The following CNOT4 variants were observed in gnomAD, a reference collection of about 807,000 sequenced individuals.
CNOT4 encodes CCR4-associated factor 4.
A neutral mutation model predicts 73.8 loss-of-function variants in CNOT4; 8 were observed. That is an observed-to-expected ratio of 0.11 (90% CI 0.06 to 0.20). CNOT4 has a LOEUF of 0.20. Among genes scored for constraint, CNOT4 ranks in the 10% least tolerant of loss-of-function variants. CNOT4 has a pLI of 1.00. For synonymous variants in CNOT4, 293 were observed against 321.1 expected, an observed-to-expected ratio of 0.91 and a Z score of 0.94; for missense variants, 564 against 883.4, an observed-to-expected ratio of 0.64 and a Z score of 4.58.
intron 2 of CNOT4, among the ~76,000 whole-genome samples, chr7:135,423,792 T>C (rs1016244344): frequency 1.3e-5 from 2 of 152,136 alleles, no homozygotes; most frequent in Non-Finnish European, 2.9e-5. Context: ...AATCTGGATC[T>C]TTGAGTTAGT....
chr7:135,493,574 G>GA (rs1316604618), intron 1 of CNOT4, among the ~76,000 whole-genome samples: 1 of 151,848 alleles, frequency 6.6e-6, no homozygotes, highest in African/African-American at 2.4e-5. Flanking sequence ...GAAGAGGATT[G>GA]AAAAAAATAG....
In CNOT4 at chr7:135,398,235, A is replaced by C; in HGVS notation, c.822-9T>G. 1.4e-6 allele frequency: 2 copies of C among 1,442,188 alleles called. No individual in the cohort carries two copies. Among genetic ancestry groups the C allele is most frequent in the Non-Finnish European group, 9.7e-7 (1 of 1,026,290 alleles). The allele number at this position is 1,442,188 out of a possible 1,614,324, so 89.3% of individuals were successfully genotyped here. ...AAGGTTTGTCAATGGGGCTATAAAA[A>C]GAAAACAAATTGAATAAAATCAGAA... On this transcript the variant is annotated splice_polypyrimidine_tract_variant and intron_variant, in intron 7 of 11. Transcript: ENST00000541284.
intron 1 of CNOT4, among the ~76,000 whole-genome samples, chr7:135,495,679 AAAAAAAAAAAAAAAG>A (rs1563083348): frequency 3.8e-4 from 36 of 94,632 alleles, no homozygotes; most frequent in African/African-American, 1.4e-3. Context: ...CAAAAAAAAA[AAAAAAAAAAAAAAAG>A]AAAGAAAGAA....
At chr7:135,424,379 A>C (rs1025832672) in intron 2 of CNOT4, among the ~76,000 whole-genome samples, 2 of 152,182 alleles carry the variant, frequency 1.3e-5, no homozygotes, top group African/African-American at 4.8e-5. Flanking sequence ...ACTATATATT[A>C]ACTAATTAAA....
intron 3 of CNOT4, among the ~76,000 whole-genome samples, chr7:135,418,853 T>G (rs1167459115): frequency 6.6e-6 from 1 of 152,162 alleles, no homozygotes; most frequent in African/African-American, 2.4e-5. Flanking sequence ...AGCTAAGTGT[T>G]CTAATATATG....
At chr7:135,411,071 C>A (rs1797565122) in intron 6 of CNOT4, among the ~76,000 whole-genome samples, 1 of 151,958 alleles carries the variant, frequency 6.6e-6, no homozygotes, top group Non-Finnish European at 1.5e-5. Context: ...ATTCATCAGT[C>A]TCCTTTTTAA....
chr7:135,478,770 C>A (rs1802161653), intron 1 of CNOT4, among the ~76,000 whole-genome samples: 1 of 152,094 alleles, frequency 6.6e-6, no homozygotes, highest in African/African-American at 2.4e-5. Context: ...TTATGATCAT[C>A]CCATCCAATA....
chr7:135,447,303 T>C (rs1298740370), intron 1 of CNOT4, among the ~76,000 whole-genome samples: 2 of 152,218 alleles, frequency 1.3e-5, no homozygotes, highest in East Asian at 1.9e-4. Flanking sequence ...TCAGCACTAA[T>C]ACTTAATTTC....
intron 1 of CNOT4, among the ~76,000 whole-genome samples, chr7:135,495,745 A>G (rs1803515655): frequency 7.0e-6 from 1 of 142,648 alleles, no homozygotes; most frequent in Non-Finnish European, 1.6e-5. Flanking sequence ...AAAGAAAGAA[A>G]GAAAGAAAGA....
At chr7:135,422,378 C>T (rs183677533) in intron 2 of CNOT4, 25 bp from the exon 3 acceptor site, 142 of 1,066,218 alleles carry the variant, frequency 1.3e-4, no homozygotes, top group African/African-American at 1.3e-3. Flanking sequence ...CAAACATAGA[C>T]GTTAGCATTA....
intron 10 of CNOT4, among the ~76,000 whole-genome samples, chr7:135,369,247 CCAAA>C (rs1470138074): frequency 6.6e-6 from 1 of 152,140 alleles, no homozygotes; most frequent in Non-Finnish European, 1.5e-5. Flanking sequence ...AAACAAGCCC[CCAAA>C]CAAGACAATT....
chr7:135,468,392 A>G (rs1426435638), intron 1 of CNOT4, among the ~76,000 whole-genome samples: 1 of 152,052 alleles, frequency 6.6e-6, no homozygotes, highest in East Asian at 1.9e-4. Context: ...AAAATTTCAC[A>G]CATCTCAGCT....
intron 10 of CNOT4, among the ~76,000 whole-genome samples, chr7:135,389,834 CA>C (rs1796312070): frequency 6.6e-6 from 1 of 151,922 alleles, no homozygotes. Context: ...AACAAATCTG[CA>C]AAATTACATG....
At chr7:135,384,390 T>C (rs748740356) in intron 10 of CNOT4, 7 of 320,730 alleles carry the variant, frequency 2.2e-5, no homozygotes, top group Admixed American at 9.1e-5. Context: ...GTTCGCGCCA[T>C]TCTCCTGCCT....
chr7:135,431,461 G>A lies in CNOT4; in HGVS notation c.174+6697C>T, dbSNP rs116900910. Among the ~76,000 whole-genome samples the A allele has an allele frequency of 2.3e-3, 349 of 152,090 alleles. 13 individuals carry two copies. The East Asian group carries it at 0.055, about 24-fold the overall frequency. On this transcript the variant is annotated intron_variant, in intron 2 of 11. Transcript: ENST00000541284. ...AAAGTGAAATTTCAGAAACAATATC[G>A]GGCTGGGTGCGGTGGCTCACGCTTG... is the stretch of plus-strand genomic sequence containing the variant.
chr7:135,457,779 A>T (rs112757998), intron 1 of CNOT4, among the ~76,000 whole-genome samples: 3,049 of 152,214 alleles, frequency 0.02, 111 homozygotes, highest in African/African-American at 0.07. Context: ...CTAAGTCACC[A>T]AGGACTCTAT....
intron 7 of CNOT4, among the ~76,000 whole-genome samples, chr7:135,400,338 G>A (rs546466844): frequency 5.3e-5 from 8 of 151,954 alleles, no homozygotes; most frequent in South Asian, 2.1e-4. Flanking sequence ...ATTTGGTGGC[G>A]GAACATAATA....
chr7:135,422,639 T>C (rs1160521332), intron 2 of CNOT4, among the ~76,000 whole-genome samples: 1 of 152,130 alleles, frequency 6.6e-6, no homozygotes, highest in Admixed American at 6.6e-5. Flanking sequence ...TTCCCTGCAG[T>C]GTCCAACAGA....
intron 10 of CNOT4, among the ~76,000 whole-genome samples, chr7:135,380,093 T>G (rs777355145): frequency 6.6e-6 from 1 of 151,994 alleles, no homozygotes; most frequent in Non-Finnish European, 1.5e-5. Context: ...CCTGTTTCCT[T>G]ATGCTGAAAA....
Sources: allele counts gnomAD v4.1 joint callset (sites outside exome capture counted in the v4.1 genomes callset), GRCh38; gene constraint gnomAD v4.1.1; transcripts MANE v1.5; gene names NCBI Gene and HGNC (gene_info 2026-07-23, HGNC 2026-07-21).